Variants in PROSER2 observed in about 807,000 individuals in gnomAD.
PROSER2 encodes the protein proline and serine-rich protein 2.
PROSER2 carries 18 observed loss-of-function variants against 14.6 expected under a neutral mutation model. The ratio of observed to expected loss-of-function variants is 1.23; its 90% CI spans 0.85 to 1.83. The LOEUF (loss-of-function observed/expected upper bound fraction) is 1.83, where lower values mean the gene tolerates loss of function less well. Ranked by LOEUF, PROSER2 falls within the 40% of genes most tolerant of loss-of-function variation. The pLI, the probability that PROSER2 is intolerant of heterozygous loss-of-function variation, is 0.00. For missense variants in PROSER2, 823 were observed against 629.8 expected (o/e 1.31, Z -3.28); for synonymous variants, 367 against 286.4 (o/e 1.28, Z -2.84).
intron 1 of PROSER2, among the ~76,000 whole-genome samples, chr10:11,829,592 A>G (rs1236720345): frequency 2.0e-5 from 3 of 151,858 alleles, no homozygotes; most frequent in South Asian, 2.1e-4. Flanking sequence ...AAAAAAAAAA[A>G]GAGTGTTGTG....
intron 2 of PROSER2, among the ~76,000 whole-genome samples, chr10:11,852,582 C>T (rs898354358): frequency 1.3e-5 from 2 of 151,838 alleles, no homozygotes; most frequent in African/African-American, 4.8e-5. Flanking sequence ...TCCAGTGGCG[C>T]GATCTTGGCT....
chr10:11,869,736 C>T lies in PROSER2; in HGVS notation c.638C>T (p.Pro213Leu). 1.9e-6 allele frequency: 3 copies of T among 1,588,154 alleles called. No homozygotes were observed. Among genetic ancestry groups the T allele is most frequent in the Non-Finnish European group, 2.6e-6 (3 of 1,168,542 alleles). Residue 213 changes from proline (P) to leucine (L), a missense_variant, in exon 4 of 4, where the codon CCC becomes CTC. Pro to Leu is a moderately conservative substitution (Grantham distance 98). Transcript: ENST00000277570. The surrounding 1 kb of genome is among the most constrained non-coding windows in gnomAD (Gnocchi z 4.4). The stretch of plus-strand genomic sequence containing the variant: ...ATGGCGGGGAACGAAGCCCTCTCGC[C>T]CACCTCCCCGTTCAGGGAGGGCCGG... ...ERMAGNEALS[P>L]TSPFREGRPG...
intron 1 of PROSER2, among the ~76,000 whole-genome samples, chr10:11,827,874 C>T (rs1392981401): frequency 1.3e-5 from 2 of 151,844 alleles, no homozygotes; most frequent in African/African-American, 2.4e-5. Flanking sequence ...AGATGGGCCT[C>T]GCTGTGTTGC....
rs1296016586 is a variant in PROSER2 at position 11,865,765 on chromosome 10, CCT to C, written c.139-763_139-762del. On this transcript the variant is annotated intron_variant, in intron 2 of 3. Coordinates refer to ENST00000277570, the MANE Select transcript of PROSER2 (RefSeq NM_153256.4). This position sits in a 1 kb window ranked among gnomAD's most constrained non-coding sequence, Gnocchi z 4.2. Reference sequence around the variant, plus strand: ...TGCTCCGTGGCCCCACTTCAGGGTTCCTCTGTCACCTTTTTCGAGAGTAACTG... The same window carrying C: ...TGCTCCGTGGCCCCACTTCAGGGTTCCTGTCACCTTTTTCGAGAGTAACTG... Among the ~76,000 whole-genome samples the C allele has an allele frequency of 6.6e-6, 1 of 152,204 alleles. No homozygotes were observed. The highest frequency in any genetic ancestry group is 2.4e-5 in the African/African-American group (1 of 41,450).
intron 1 of PROSER2, among the ~76,000 whole-genome samples, chr10:11,828,476 C>A (rs1275434789): frequency 1.3e-5 from 2 of 151,942 alleles, no homozygotes; most frequent in Non-Finnish European, 2.9e-5. Flanking sequence ...CCAAGGCAGG[C>A]GGATCACCTG....
In PROSER2 at chr10:11,869,889, C is replaced by T; in HGVS notation, c.791C>T (p.Ala264Val). ...AACATCATCGTCACCAACGGCGCGG[C>T]CCGGGAGCCCCGCAGGACCCTGTCC... is the stretch of plus-strand genomic sequence containing the variant. ...PSNIIVTNGAAREPRRTLSRA... is the reference protein window; with the variant it reads ...PSNIIVTNGAVREPRRTLSRA... The change falls in exon 4 of 4, where the codon GCC becomes GTC. Residue 264 changes from alanine (A) to valine (V), a missense_variant. By Grantham distance (64) the Ala-to-Val change is moderately conservative. Transcript: ENST00000277570. The surrounding 1 kb of genome is among the most constrained non-coding windows in gnomAD (Gnocchi z 4.4). The T allele has an allele frequency of 6.3e-7, 1 of 1,589,244 alleles. No individual in the cohort carries two copies. Among genetic ancestry groups the T allele is most frequent in the East Asian group, 2.3e-5 (1 of 43,858 alleles).
chr10:11,835,434 A>G (rs970660516), intron 1 of PROSER2, among the ~76,000 whole-genome samples: 3 of 152,308 alleles, frequency 2.0e-5, no homozygotes, highest in Admixed American at 1.3e-4. Context: ...TAGTCTATAA[A>G]TTACTTTTAG....
rs577576525 is a variant in PROSER2, at chr10:11,837,920, C to T, written c.-81-14077C>T. 1.3e-3 allele frequency among the ~76,000 whole-genome samples: 203 copies of T among 151,912 alleles called. 1 individual carries two copies. The highest frequency in any genetic ancestry group is 2.4e-3 in the Non-Finnish European group (162 of 67,988). On this transcript the variant is annotated intron_variant, in intron 1 of 3. Transcript: ENST00000277570. The surrounding 1 kb of genome is among the most constrained non-coding windows in gnomAD (Gnocchi z 4.6). ...TCCTCTTCCTGTTCGTACACCCTTG[C>T]GGTCTTCGGACTTCCCTCCTGAATT...
Position 11,870,339 on chromosome 10 carries a change from G to T in PROSER2, c.1241G>T (p.Arg414Leu). ...GGCATCACCGTGCAGTTCGCGGGCC[G>T]CGGCTCCTCGGAGGAGGCGCGCAGG... ...PQGITVQFAG[R>L]GSSEEARREA... The change falls in exon 4 of 4, where the codon CGC becomes CTC. Residue 414 changes from arginine to leucine, a missense_variant. Physicochemically the swap from Arg to Leu is moderately radical, Grantham distance 102. Coordinates refer to ENST00000277570, the MANE Select transcript of PROSER2 (RefSeq NM_153256.4). 6.6e-7 allele frequency: 1 copy of T among 1,506,428 alleles called. No individual in the cohort carries two copies. The highest frequency in any genetic ancestry group is 8.8e-7 in the Non-Finnish European group (1 of 1,130,522). 93.3% of individuals were successfully genotyped at this position (1,506,428 alleles called of 1,614,324 possible). A position where few individuals can be genotyped will look rare whatever the true frequency, so the allele number is the denominator to read the frequency against.
intron 3 of PROSER2, among the ~76,000 whole-genome samples, chr10:11,868,673 CAG>C (rs1224250839): frequency 1.1e-4 from 16 of 150,558 alleles, no homozygotes; most frequent in African/African-American, 3.7e-4. Flanking sequence ...TTTTCTGAGA[CAG>C]AGTCTCACTG....
chr10:11,863,881 T>G (rs11257367), intron 2 of PROSER2, among the ~76,000 whole-genome samples: 22,261 of 152,208 alleles, frequency 0.15, 1,778 homozygotes, highest in African/African-American at 0.21. Context: ...TGGTTTCGGT[T>G]TTGCTTGCAT....
chr10:11,854,868 A>G (rs1287557377), intron 2 of PROSER2, among the ~76,000 whole-genome samples: 2 of 152,016 alleles, frequency 1.3e-5, no homozygotes, highest in East Asian at 3.8e-4. Flanking sequence ...GTAAATTCTG[A>G]GAGTAGCTAT....
In PROSER2 at chr10:11,866,828, T is replaced by C; in HGVS notation, c.391+45T>C. 6.3e-7 allele frequency: 1 copy of C among 1,580,840 alleles called. No homozygotes were observed. Among genetic ancestry groups the C allele is most frequent in the Non-Finnish European group, 8.6e-7 (1 of 1,167,252 alleles). ...ATCCCTGGGATGTGGTTTCCTGGTG[T>C]CTGTGAGACCCAGAGATACTTCTTT... On this transcript the variant is annotated intron_variant, in intron 3 of 3. Transcript: ENST00000277570. The surrounding 1 kb of genome is among the most constrained non-coding windows in gnomAD (Gnocchi z 6.0).
chr10:11,856,755 T>C lies in PROSER2; in HGVS notation c.138+4540T>C, dbSNP rs1216377999. Among the ~76,000 whole-genome samples, 4 of 152,176 alleles carry C rather than the reference T, an allele frequency of 2.6e-5. No homozygotes were observed. The highest frequency in any genetic ancestry group is 5.9e-5 in the Non-Finnish European group (4 of 68,024). ...GTTGCTCCAGAGCACTTGACACCTT[T>C]GGCCCCACACATGGCTCATGGACTA... On this transcript the variant is annotated intron_variant, in intron 2 of 3. Transcript: ENST00000277570. The surrounding 1 kb of genome is among the most constrained non-coding windows in gnomAD (Gnocchi z 5.3).
intron 1 of PROSER2, among the ~76,000 whole-genome samples, chr10:11,845,963 C>CTTCA (rs1017152504): frequency 2.7e-4 from 41 of 152,298 alleles, no homozygotes; most frequent in South Asian, 8.3e-4. Flanking sequence ...TTAAACATTA[C>CTTCA]TTCATTCATT....
chr10:11,847,092 A>G (rs1315637862), intron 1 of PROSER2, among the ~76,000 whole-genome samples: 1 of 151,364 alleles, frequency 6.6e-6, no homozygotes, highest in Non-Finnish European at 1.5e-5. Flanking sequence ...ACTTTTTCCC[A>G]TAGCTCATGA....
chr10:11,837,765 T>C lies in PROSER2; in HGVS notation c.-81-14232T>C, dbSNP rs1165167947. On this transcript the variant is annotated intron_variant, in intron 1 of 3. Coordinates refer to ENST00000277570, the MANE Select transcript of PROSER2 (RefSeq NM_153256.4). The surrounding 1 kb of genome is among the most constrained non-coding windows in gnomAD (Gnocchi z 4.6). ...CACATTTCCTCGGTGCAAAACCTAA[T>C]AGTAGAATGTGAGAAACTTCATATT... 1.3e-5 allele frequency among the ~76,000 whole-genome samples: 2 copies of C among 152,224 alleles called. No homozygotes were observed. Among genetic ancestry groups the C allele is most frequent in the African/African-American group, 2.4e-5 (1 of 41,462 alleles).
rs548264082 is a variant in PROSER2, at chr10:11,837,822, G to A, written c.-81-14175G>A. 1.6e-4 allele frequency among the ~76,000 whole-genome samples: 25 copies of A among 152,280 alleles called. 1 individual carries two copies. The highest frequency in any genetic ancestry group is 5.5e-4 in the African/African-American group (23 of 41,550). ...TCCAGCTTAGATTCTTCAGTAAAGT[G>A]CGTTGGGTTAACCGTTCCCTGGTTA... On this transcript the variant is annotated intron_variant, in intron 1 of 3. Transcript: ENST00000277570. The surrounding 1 kb of genome is among the most constrained non-coding windows in gnomAD (Gnocchi z 4.6).
At chr10:11,843,633 C>T (rs1368996397) in intron 1 of PROSER2, among the ~76,000 whole-genome samples, 2 of 151,594 alleles carry the variant, frequency 1.3e-5, no homozygotes, top group Non-Finnish European at 2.9e-5. Context: ...TTGCAGTGAG[C>T]CGAGATCGCA....
Sources: gnomAD v4.1 joint callset for allele counts (sites outside exome capture counted in the v4.1 genomes callset) on GRCh38, gnomAD v4.1.1 for gene constraint, Gnocchi (gnomAD v3.1) non-coding constraint, MANE v1.5 for transcripts, NCBI Gene and HGNC (gene_info 2026-07-23, HGNC 2026-07-21) for gene names.